The following PLAA variants were observed in gnomAD, a reference collection of about 807,000 sequenced individuals.
PLAA encodes the protein phospholipase A-2-activating protein.
A neutral mutation model predicts 84.1 loss-of-function variants in PLAA; 48 were observed. That is an observed-to-expected ratio of 0.57 (90% CI 0.45 to 0.73). PLAA has a LOEUF of 0.73. PLAA is among the 30% of genes least tolerant of loss of function. The probability of loss-of-function intolerance (pLI) is 0.00; values close to 1 mark genes in which losing one functional copy is unlikely to be tolerated. For missense variants in PLAA, 903 were observed against 954.7 expected (o/e 0.95, Z 0.71); for synonymous variants, 392 against 336.6 (o/e 1.16, Z -1.80).
chr9:26,916,153 G>A, intron 10 of PLAA: 1 of 985,280 alleles, frequency 1.0e-6, no homozygotes, highest in Non-Finnish European at 1.2e-6. Context: ...ACAACTTCAT[G>A]ATGCTGACCT....
At chr9:26,938,812 T>A (rs1312220419) in intron 1 of PLAA, among the ~76,000 whole-genome samples, 1 of 152,198 alleles carries the variant, frequency 6.6e-6, no homozygotes, top group Non-Finnish European at 1.5e-5. Context: ...AACTTTGGTT[T>A]GTAACTCCAA....
At chr9:26,907,373 C>G (rs972929954) in intron 13 of PLAA, among the ~76,000 whole-genome samples, 1 of 151,818 alleles carries the variant, frequency 6.6e-6, no homozygotes, top group African/African-American at 2.4e-5. Context: ...ACTAAAAATA[C>G]AAAAAATTAG....
intron 7 of PLAA, among the ~76,000 whole-genome samples, chr9:26,921,944 C>A (rs1287118904): frequency 6.6e-6 from 1 of 152,160 alleles, no homozygotes; most frequent in Non-Finnish European, 1.5e-5. Context: ...TTATCTTTGG[C>A]AACATATATT....
Position 26,928,096 on chromosome 9 carries a change from T to C in PLAA, c.565+4A>G. 6.2e-7 allele frequency: 1 copy of C among 1,612,216 alleles called. No individual in the cohort carries two copies. Among genetic ancestry groups the C allele is most frequent in the Non-Finnish European group, 8.5e-7 (1 of 1,179,540 alleles). ...ATTATAAAACTTGTCTACCCTGATC[T>C]TACCTGAAAAAGTCCTCTCACATCT... On this transcript the variant is annotated splice_donor_region_variant and intron_variant, in intron 4 of 13. Coordinates refer to ENST00000397292, the MANE Select transcript of PLAA (RefSeq NM_001031689.3).
chr9:26,907,176 A>G (rs186486078), intron 13 of PLAA, among the ~76,000 whole-genome samples: 23 of 152,144 alleles, frequency 1.5e-4, no homozygotes, highest in Admixed American at 3.9e-4. Context: ...TTTGTAGCCT[A>G]GGGTTAACAG....
chr9:26,911,403 G>A (rs1477118876), intron 11 of PLAA, among the ~76,000 whole-genome samples: 1 of 151,924 alleles, frequency 6.6e-6, no homozygotes, highest in African/African-American at 2.4e-5. Flanking sequence ...CACCTGCCTT[G>A]GCCTCCCAAA....
At chr9:26,923,091 C>A (rs1422479198) in intron 7 of PLAA, 87 bp downstream of exon 7, 2 of 977,934 alleles carry the variant, frequency 2.0e-6, no homozygotes, top group South Asian at 1.9e-5. Flanking sequence ...ATGAAAAACA[C>A]AAGCAAAACA....
intron 10 of PLAA, chr9:26,915,603 C>G: frequency 1.4e-6 from 1 of 697,636 alleles, no homozygotes; most frequent in Non-Finnish European, 1.8e-6. Flanking sequence ...ACATATTATG[C>G]TATTTTATTT....
intron 2 of PLAA, among the ~76,000 whole-genome samples, chr9:26,929,002 G>A (rs924346911): frequency 4.0e-5 from 6 of 151,886 alleles, no homozygotes; most frequent in South Asian, 2.1e-4. Context: ...GTTAGAGACC[G>A]GCCTGGGCAA....
chr9:26,906,215 A>T (rs1007615063), intron 13 of PLAA, 139 bp from the exon 14 acceptor site: 17 of 526,496 alleles, frequency 3.2e-5, no homozygotes, highest in Non-Finnish European at 5.4e-5. Flanking sequence ...TGCTTTAAAA[A>T]AAATGCATAT....
At chr9:26,929,014 G>A (rs1825079141) in intron 2 of PLAA, among the ~76,000 whole-genome samples, 2 of 151,856 alleles carry the variant, frequency 1.3e-5, no homozygotes, top group Non-Finnish European at 2.9e-5. Flanking sequence ...CCTGGGCAAT[G>A]TGGAGAGACC....
At chr9:26,942,709 C>G (rs1255972946) in intron 1 of PLAA, among the ~76,000 whole-genome samples, 1 of 151,894 alleles carries the variant, frequency 6.6e-6, no homozygotes, top group Non-Finnish European at 1.5e-5. Flanking sequence ...TGTGAAACCC[C>G]GTCTCTACTA....
intron 2 of PLAA, among the ~76,000 whole-genome samples, chr9:26,928,848 G>C (rs1414195883): frequency 6.6e-6 from 1 of 152,230 alleles, no homozygotes; most frequent in African/African-American, 2.4e-5. Flanking sequence ...TAATGAAGTG[G>C]TTAATTAAAT....
intron 2 of PLAA, among the ~76,000 whole-genome samples, chr9:26,929,090 T>C (rs1432046504): frequency 1.3e-5 from 2 of 151,942 alleles, no homozygotes; most frequent in East Asian, 3.9e-4. Context: ...TCCCAGCTAC[T>C]TGGAAGGCTG....
intron 7 of PLAA, among the ~76,000 whole-genome samples, chr9:26,920,749 C>T (rs1824732673): frequency 6.6e-6 from 1 of 152,184 alleles, no homozygotes; most frequent in Admixed American, 6.5e-5. Flanking sequence ...TTTCTCTCAA[C>T]CCCATCGCTC....
intron 2 of PLAA, among the ~76,000 whole-genome samples, chr9:26,931,796 C>T (rs931330910): frequency 2.0e-5 from 3 of 152,128 alleles, no homozygotes; most frequent in Non-Finnish European, 2.9e-5. Flanking sequence ...AATCCCACCA[C>T]TTTGGAAGGC....
chr9:26,905,568 T>C lies in PLAA; in HGVS notation c.2331A>G (p.Ser777=), dbSNP rs764802054. ...CACTTACTTTAGCTGGTTCTGATAC[T>C]GAGGAATACTTTTTTATTTGAGAAT... The part of the protein sequence containing the change: ...GVDSQIKKYS[S]VSEPAKVSEC... The change falls in exon 14 of 14, where the codon TCA becomes TCG. Residue 777 remains serine (S), a synonymous_variant. Coordinates refer to ENST00000397292, the MANE Select transcript of PLAA (RefSeq NM_001031689.3). 1.9e-6 allele frequency: 3 copies of C among 1,613,908 alleles called. No individual in the cohort carries two copies. The highest frequency in any genetic ancestry group is 1.1e-5 in the South Asian group (1 of 91,082).
At position 26,905,471 on chromosome 9, in the gene PLAA, A is replaced by C. The variant is rs1824198714; in HGVS notation, c.*40T>G. On this transcript the variant is annotated 3_prime_UTR_variant, in exon 14 of 14. Coordinates refer to ENST00000397292, the MANE Select transcript of PLAA (RefSeq NM_001031689.3). ...AGTCATGTCAAATGTGAGGAAAAAA[A>C]CACTAATCAATTAAAAATATCCGTC... The C allele has an allele frequency of 2.9e-6, 4 of 1,387,624 alleles. No individual in the cohort carries two copies. In the East Asian group the frequency reaches 9.2e-5, roughly 32 times the overall value. The allele number at this position is 1,387,624 out of a possible 1,614,324, so 86.0% of individuals were successfully genotyped here. A position where few individuals can be genotyped will look rare whatever the true frequency, so the allele number is the denominator to read the frequency against.
intron 7 of PLAA, among the ~76,000 whole-genome samples, chr9:26,922,357 G>C (rs1292910290): frequency 6.6e-6 from 1 of 151,482 alleles, no homozygotes; most frequent in Non-Finnish European, 1.5e-5. Flanking sequence ...AAAGCCCCTG[G>C]CTTGATTTAC....
Sources: allele counts gnomAD v4.1 joint callset (sites outside exome capture counted in the v4.1 genomes callset), GRCh38; gene constraint gnomAD v4.1.1; transcripts MANE v1.5; gene names NCBI Gene and HGNC (gene_info 2026-07-23, HGNC 2026-07-21).